The following MMS22L variants were observed in gnomAD, a reference collection of about 807,000 sequenced individuals.
The protein encoded by MMS22L is protein MMS22-like.
A neutral mutation model predicts 159.1 loss-of-function variants in MMS22L; 74 were observed. The ratio of observed to expected loss-of-function variants is 0.47; its 90% CI spans 0.39 to 0.56. The LOEUF is 0.56. MMS22L is among the 20% of genes least tolerant of loss of function. MMS22L has a pLI of 0.00. For synonymous variants in MMS22L, 517 were observed against 506.9 expected (o/e 1.02, Z -0.27); for missense variants, 1,351 against 1,422.1 (o/e 0.95, Z 0.80).
intron 22 of MMS22L, among the ~76,000 whole-genome samples, chr6:97,153,998 G>A (rs185979233): frequency 1.1e-4 from 16 of 152,052 alleles, no homozygotes; most frequent in African/African-American, 3.9e-4. Context: ...GAAATTGCTG[G>A]GTCATACAGT....
chr6:97,271,017 TAAAAG>T (rs1013379068), intron 6 of MMS22L: 19 of 151,854 alleles, frequency 1.3e-4, no homozygotes, highest in African/African-American at 4.1e-4. Flanking sequence ...AAAAAGTAAA[TAAAAG>T]AAAATATTTG....
intron 11 of MMS22L, among the ~76,000 whole-genome samples, chr6:97,238,207 G>A (rs1031051072): frequency 1.3e-5 from 2 of 152,222 alleles, no homozygotes; most frequent in Admixed American, 6.5e-5. Context: ...AGTATTAAGT[G>A]AAGGTATGTG....
chr6:97,166,431 A>C (rs1456135492), intron 20 of MMS22L, among the ~76,000 whole-genome samples: 2 of 152,138 alleles, frequency 1.3e-5, no homozygotes, highest in Non-Finnish European at 2.9e-5. Flanking sequence ...CCAATAAGAA[A>C]TTCTGAAAGT....
chr6:97,160,581 G>A (rs976580155), intron 22 of MMS22L, among the ~76,000 whole-genome samples: 1 of 151,964 alleles, frequency 6.6e-6, no homozygotes, highest in African/African-American at 2.4e-5. Flanking sequence ...GTATCTGTTT[G>A]TGGATCTTTT....
chr6:97,256,891 G>A (rs1451786146), intron 9 of MMS22L, among the ~76,000 whole-genome samples: 1 of 152,154 alleles, frequency 6.6e-6, no homozygotes. Context: ...AGGCTGCAGT[G>A]AGCTGTGACC....
chr6:97,188,484 T>A (rs1805486343), intron 14 of MMS22L, among the ~76,000 whole-genome samples: 1 of 152,174 alleles, frequency 6.6e-6, no homozygotes, highest in African/African-American at 2.4e-5. Flanking sequence ...TTAATCCTCT[T>A]TATAGATGAC....
intron 14 of MMS22L, among the ~76,000 whole-genome samples, chr6:97,225,143 T>C (rs1810085289): frequency 6.6e-6 from 1 of 152,200 alleles, no homozygotes; most frequent in Non-Finnish European, 1.5e-5. Flanking sequence ...AGAATTATTC[T>C]TGTGTTTCTA....
At chr6:97,269,568 T>C (rs1008046338) in intron 7 of MMS22L, among the ~76,000 whole-genome samples, 5 of 152,146 alleles carry the variant, frequency 3.3e-5, no homozygotes, top group East Asian at 1.9e-4. Context: ...AGTAGAACTA[T>C]AGGTACTAAC....
At chr6:97,168,684 C>A (rs1448886584) in intron 19 of MMS22L, among the ~76,000 whole-genome samples, 2 of 152,032 alleles carry the variant, frequency 1.3e-5, no homozygotes, top group African/African-American at 4.8e-5. Flanking sequence ...CTCCAAAATA[C>A]TTCTAGTCCC....
chr6:97,211,068 A>G (rs369320187), intron 14 of MMS22L, among the ~76,000 whole-genome samples: 1 of 152,008 alleles, frequency 6.6e-6, no homozygotes, highest in Non-Finnish European at 1.5e-5. Context: ...CATGTACACA[A>G]GAGTACTTAC....
In MMS22L at chr6:97,231,676, A is replaced by G. The variant is rs201200354; in HGVS notation, c.1303-24T>C. Reference sequence around the variant, plus strand: ...TTCTAAAAGGGGGGAAAAAAAAGATAGAAAACAATTATTAGTCTCTTAGTA... The same window carrying G: ...TTCTAAAAGGGGGGAAAAAAAAGATGGAAAACAATTATTAGTCTCTTAGTA... On this transcript the variant is annotated intron_variant, in intron 12 of 24. Coordinates refer to ENST00000683635, the MANE Select transcript of MMS22L (RefSeq NM_001350599.2). The G allele has an allele frequency of 8.0e-6, 12 of 1,501,470 alleles. No homozygotes were observed. The Admixed American group carries it at 1.8e-4, about 22-fold the overall frequency. 93.0% of individuals were successfully genotyped at this position (1,501,470 alleles called of 1,614,324 possible).
chr6:97,263,892 T>TATA (rs1814781466), intron 8 of MMS22L: 2 of 152,970 alleles, frequency 1.3e-5, no homozygotes, highest in South Asian at 4.1e-4. Context: ...GTACTTTTAG[T>TATA]AGAGACGGGG....
At chr6:97,276,054 A>C (rs1194034123) in intron 4 of MMS22L, among the ~76,000 whole-genome samples, 3 of 152,182 alleles carry the variant, frequency 2.0e-5, no homozygotes, top group Non-Finnish European at 2.9e-5. Flanking sequence ...CTGTCAGCAA[A>C]ACATGTCATT....
At chr6:97,233,813 T>A in intron 12 of MMS22L, 48 bp downstream of exon 12, 2 of 1,551,198 alleles carry the variant, frequency 1.3e-6, no homozygotes, top group Non-Finnish European at 1.7e-6. Context: ...CTCAAATATG[T>A]ACAAATTTTT....
intron 4 of MMS22L, among the ~76,000 whole-genome samples, chr6:97,274,213 T>A (rs1470691995): frequency 6.6e-6 from 1 of 152,202 alleles, no homozygotes; most frequent in East Asian, 1.9e-4. Flanking sequence ...ATACTAAACA[T>A]GAAACTAAAG....
intron 14 of MMS22L, among the ~76,000 whole-genome samples, chr6:97,221,775 G>T (rs528901462): frequency 6.6e-6 from 1 of 151,942 alleles, no homozygotes; most frequent in Non-Finnish European, 1.5e-5. Flanking sequence ...GCATACACAT[G>T]TGTTTCCCAA....
At chr6:97,257,803 T>C (rs1813988729) in intron 9 of MMS22L, among the ~76,000 whole-genome samples, 1 of 152,184 alleles carries the variant, frequency 6.6e-6, no homozygotes. Context: ...CTTTGATTGC[T>C]TGGTTAAGGT....
At chr6:97,236,455 T>C (rs1811421733) in intron 11 of MMS22L, among the ~76,000 whole-genome samples, 1 of 152,106 alleles carries the variant, frequency 6.6e-6, no homozygotes, top group African/African-American at 2.4e-5. Context: ...ATCATCTTAG[T>C]AAAAATGAAT....
chr6:97,204,794 C>CA (rs58113888), intron 14 of MMS22L, among the ~76,000 whole-genome samples: 67,902 of 106,200 alleles, frequency 0.64, 21,617 homozygotes, highest in Non-Finnish European at 0.74. Context: ...GACTCAGTGT[C>CA]AAAAAAAAAA....
Sources: allele counts gnomAD v4.1 joint callset (sites outside exome capture counted in the v4.1 genomes callset), GRCh38; gene constraint gnomAD v4.1.1; transcripts MANE v1.5; gene names NCBI Gene and HGNC (gene_info 2026-07-23, HGNC 2026-07-21).